The following PCED1B variants were observed in gnomAD, a reference collection of about 807,000 sequenced individuals.
PCED1B encodes PC-esterase domain containing 1B, also known as PC-esterase domain-containing protein 1B.
For missense variants in PCED1B, 573 were observed against 573.9 expected, an observed-to-expected ratio of 1.00 and a Z score of 0.02; for synonymous variants, 251 against 246.1, an observed-to-expected ratio of 1.02 and a Z score of -0.19.
chr12:47,081,630 T>G (rs1025917553), intron 1 of PCED1B, among the ~76,000 whole-genome samples: 1 of 152,240 alleles, frequency 6.6e-6, no homozygotes, highest in Non-Finnish European at 1.5e-5. Context: ...CCACACTTCC[T>G]GGGATTCTCA....
chr12:47,196,470 A>T (rs1942604899), intron 2 of PCED1B, among the ~76,000 whole-genome samples: 4 of 152,254 alleles, frequency 2.6e-5, no homozygotes, highest in African/African-American at 9.6e-5. Flanking sequence ...AGTAAGTTTT[A>T]GGTATTATTT....
At chr12:47,169,696 A>G (rs986973979) in intron 2 of PCED1B, among the ~76,000 whole-genome samples, 1 of 151,952 alleles carries the variant, frequency 6.6e-6, no homozygotes, top group African/African-American at 2.4e-5. Flanking sequence ...TTTTACCTAA[A>G]TTGTACTTTT....
intron 1 of PCED1B, among the ~76,000 whole-genome samples, chr12:47,090,084 T>C (rs1938198135): frequency 6.6e-6 from 1 of 152,174 alleles, no homozygotes; most frequent in Non-Finnish European, 1.5e-5. Flanking sequence ...GAAGTCTTAA[T>C]ATACAGGAAA....
At chr12:47,198,184 G>T (rs530626644) in intron 2 of PCED1B, among the ~76,000 whole-genome samples, 7 of 152,202 alleles carry the variant, frequency 4.6e-5, no homozygotes, top group African/African-American at 1.7e-4. Flanking sequence ...TGTATAAGAA[G>T]AATTATGCAC....
intron 2 of PCED1B, among the ~76,000 whole-genome samples, chr12:47,140,222 G>T (rs1187692145): frequency 6.6e-6 from 1 of 152,102 alleles, no homozygotes; most frequent in African/African-American, 2.4e-5. Flanking sequence ...ACATTGTTTT[G>T]CTTTTGCTAC....
At chr12:47,111,542 G>A (rs117116097) in intron 2 of PCED1B, among the ~76,000 whole-genome samples, 2,238 of 151,548 alleles carry the variant, frequency 0.015, 22 homozygotes, top group Non-Finnish European at 0.022. Flanking sequence ...GACTCTTTCC[G>A]TCTTGCAAAA....
chr12:47,119,028 T>TA (rs890929063), intron 2 of PCED1B, among the ~76,000 whole-genome samples: 1 of 152,146 alleles, frequency 6.6e-6, no homozygotes, highest in African/African-American at 2.4e-5. Context: ...GGTACTGGCA[T>TA]AAGGATAGTC....
chr12:47,132,152 A>AACATGAC (rs1456617327), intron 2 of PCED1B, among the ~76,000 whole-genome samples: 4 of 152,160 alleles, frequency 2.6e-5, no homozygotes, highest in Admixed American at 6.5e-5. Context: ...TAGTCATGTT[A>AACATGAC]ATACATAGTA....
At chr12:47,144,267 G>C (rs1334945658) in intron 2 of PCED1B, among the ~76,000 whole-genome samples, 1 of 152,174 alleles carries the variant, frequency 6.6e-6, no homozygotes, top group Non-Finnish European at 1.5e-5. Flanking sequence ...GCTCTGGATA[G>C]TGAGCCCACA....
chr12:47,167,579 G>A (rs1261143543), intron 2 of PCED1B, among the ~76,000 whole-genome samples: 3 of 152,170 alleles, frequency 2.0e-5, no homozygotes, highest in Non-Finnish European at 4.4e-5. Flanking sequence ...TGTGCTGGTA[G>A]CCATATTATG....
chr12:47,205,846 C>A (rs1942895211), intron 2 of PCED1B: 1 of 152,088 alleles, frequency 6.6e-6, no homozygotes, highest in Non-Finnish European at 1.5e-5. Flanking sequence ...AGCCAATTCA[C>A]CAAAATAAGG....
intron 2 of PCED1B, among the ~76,000 whole-genome samples, chr12:47,207,070 C>G (rs1235871325): frequency 1.3e-5 from 2 of 152,130 alleles, no homozygotes; most frequent in African/African-American, 4.8e-5. Context: ...CAGATGTTAC[C>G]AAAATCTTAT....
At chr12:47,088,501 C>T (rs924299597) in intron 1 of PCED1B, among the ~76,000 whole-genome samples, 2 of 152,092 alleles carry the variant, frequency 1.3e-5, no homozygotes, top group Non-Finnish European at 2.9e-5. Flanking sequence ...ACCTCAGTGA[C>T]CTTTAGTAGA....
At chr12:47,123,781 A>G (rs1211911184) in intron 2 of PCED1B, among the ~76,000 whole-genome samples, 1 of 152,060 alleles carries the variant, frequency 6.6e-6, no homozygotes, top group Non-Finnish European at 1.5e-5. Flanking sequence ...TTACAAAATC[A>G]GTATCATGCT....
At chr12:47,228,699 G>A (rs1445385846) in intron 3 of PCED1B, among the ~76,000 whole-genome samples, 2 of 151,574 alleles carry the variant, frequency 1.3e-5, no homozygotes, top group South Asian at 4.2e-4. Context: ...GTGAAACCCC[G>A]TCTCTACTAA....
chr12:47,169,939 C>T (rs1260405808), intron 2 of PCED1B, among the ~76,000 whole-genome samples: 6 of 128,490 alleles, frequency 4.7e-5, no homozygotes, highest in Admixed American at 2.5e-4. Context: ...GGGTGTTTCT[C>T]GGAGAGGGGG....
intron 2 of PCED1B, among the ~76,000 whole-genome samples, chr12:47,121,329 C>T (rs1939670734): frequency 6.6e-6 from 1 of 152,088 alleles, no homozygotes; most frequent in Non-Finnish European, 1.5e-5. Context: ...AGTTATGAAT[C>T]GTTAGTGGGT....
intron 2 of PCED1B, among the ~76,000 whole-genome samples, chr12:47,113,349 G>A (rs376175474): frequency 3.3e-5 from 5 of 152,122 alleles, no homozygotes; most frequent in African/African-American, 9.7e-5. Flanking sequence ...TATCAGGCAC[G>A]GTGTTAGGCA....
chr12:47,117,170 T>C (rs1042755192), intron 2 of PCED1B, among the ~76,000 whole-genome samples: 2 of 152,196 alleles, frequency 1.3e-5, no homozygotes, highest in Non-Finnish European at 2.9e-5. Flanking sequence ...TCAAGGTTCA[T>C]CCCTGTTGTA....
Sources: allele counts gnomAD v4.1 joint callset (sites outside exome capture counted in the v4.1 genomes callset), GRCh38; gene constraint gnomAD v4.1.1; transcripts MANE v1.5; gene names NCBI Gene and HGNC (gene_info 2026-07-23, HGNC 2026-07-21).